Variants in CIMIP7 observed in about 807,000 individuals in gnomAD.
The protein encoded by CIMIP7 is uncharacterized protein C3orf84.
the CIMIP7 span, chr3:49,177,779 A>G: frequency 1.2e-4 from 190 of 1,611,190 alleles, no homozygotes; most frequent in African/African-American, 2.2e-3. Flanking sequence ...CCTACCTTGT[A>G]GCTGCCATAG....
At chr3:49,191,118 T>C in the CIMIP7 span, among the ~76,000 whole-genome samples, 1 of 152,190 alleles carries the variant, frequency 6.6e-6, no homozygotes, top group Non-Finnish European at 1.5e-5. Flanking sequence ...CTCTTTGTCC[T>C]GAGTTCTCCC....
At chr3:49,190,261 C>T in the CIMIP7 span, 1 of 636,344 alleles carries the variant, frequency 1.6e-6, no homozygotes, top group South Asian at 1.8e-5. Flanking sequence ...AAGTTCCTGA[C>T]AGAATAGAAA....
At chr3:49,185,253 T>C in the CIMIP7 span, among the ~76,000 whole-genome samples, 1 of 142,474 alleles carries the variant, frequency 7.0e-6, no homozygotes, top group Non-Finnish European at 1.5e-5. Context: ...AGAGCAAGAC[T>C]CTGTCTTAAA....
the CIMIP7 span, among the ~76,000 whole-genome samples, chr3:49,189,262 C>A: frequency 9.9e-5 from 15 of 152,136 alleles, no homozygotes; most frequent in East Asian, 2.5e-3. Context: ...AGCCACCGCA[C>A]CTTGCCTATT....
the CIMIP7 span, among the ~76,000 whole-genome samples, chr3:49,178,316 T>C: frequency 6.6e-6 from 1 of 152,146 alleles, no homozygotes; most frequent in African/African-American, 2.4e-5. Flanking sequence ...TTTGGGGGAA[T>C]AGGCTGTTTC....
the CIMIP7 span, among the ~76,000 whole-genome samples, chr3:49,178,893 A>C: frequency 1.3e-5 from 2 of 152,146 alleles, no homozygotes; most frequent in Admixed American, 1.3e-4. Context: ...CCTCCCCTGC[A>C]TCCACACTTA....
the CIMIP7 span, chr3:49,191,709 G>A: frequency 6.3e-7 from 1 of 1,592,478 alleles, no homozygotes; most frequent in South Asian, 1.1e-5. Flanking sequence ...CAACCAGAGG[G>A]CCAGGGGCCA....
chr3:49,181,217 C>T, the CIMIP7 span, among the ~76,000 whole-genome samples: 1 of 151,682 alleles, frequency 6.6e-6, no homozygotes, highest in African/African-American at 2.4e-5. Flanking sequence ...TGGTGGGCGC[C>T]TGTAATCCCA....
the CIMIP7 span, chr3:49,177,703 T>C: frequency 3.1e-6 from 5 of 1,610,550 alleles, no homozygotes; most frequent in East Asian, 2.2e-5. Flanking sequence ...AAGGTAGTGC[T>C]GCAGCAGCTT....
chr3:49,186,907 T>C, the CIMIP7 span, among the ~76,000 whole-genome samples: 11 of 152,232 alleles, frequency 7.2e-5, no homozygotes, highest in Admixed American at 1.3e-4. Context: ...TATTATTTTT[T>C]ACAACTGCTT....
At chr3:49,186,314 T>C in the CIMIP7 span, among the ~76,000 whole-genome samples, 1 of 151,020 alleles carries the variant, frequency 6.6e-6, no homozygotes. Context: ...CTCAGCTCAC[T>C]GCAAGCTCCA....
the CIMIP7 span, chr3:49,177,852 G>A: frequency 1.2e-6 from 2 of 1,613,488 alleles, no homozygotes; most frequent in Non-Finnish European, 1.7e-6. Flanking sequence ...GGGAAGGCTG[G>A]ACCTGCACAA....
At chr3:49,187,443 T>C in the CIMIP7 span, among the ~76,000 whole-genome samples, 4 of 152,088 alleles carry the variant, frequency 2.6e-5, no homozygotes, top group East Asian at 7.7e-4. Flanking sequence ...GGAAGCTCCT[T>C]GGCAAACTGA....
At chr3:49,189,259 G>A in the CIMIP7 span, among the ~76,000 whole-genome samples, 69 of 151,672 alleles carry the variant, frequency 4.5e-4, no homozygotes, top group Non-Finnish European at 1.9e-4. Flanking sequence ...ATGAGCCACC[G>A]CACCTTGCCT....
the CIMIP7 span, among the ~76,000 whole-genome samples, chr3:49,184,180 T>A: frequency 6.6e-6 from 1 of 152,204 alleles, no homozygotes; most frequent in African/African-American, 2.4e-5. Context: ...TAACTTTTTT[T>A]AAGAGATGAG....
At chr3:49,188,286 A>G in the CIMIP7 span, among the ~76,000 whole-genome samples, 1 of 152,224 alleles carries the variant, frequency 6.6e-6, no homozygotes, top group African/African-American at 2.4e-5. Context: ...GAAAATCCAG[A>G]TGGCAGATCA....
At chr3:49,177,765 G>A in the CIMIP7 span, 4 of 1,610,192 alleles carry the variant, frequency 2.5e-6, no homozygotes, top group Non-Finnish European at 3.4e-6. Context: ...CCGGCGCCTG[G>A]GGCCCTACCT....
chr3:49,181,279 T>C, the CIMIP7 span, among the ~76,000 whole-genome samples: 2 of 144,184 alleles, frequency 1.4e-5, no homozygotes, highest in South Asian at 2.2e-4. Flanking sequence ...GTGGTGGAGG[T>C]TGCAGTGAGC....
chr3:49,179,751 G>A, the CIMIP7 span, among the ~76,000 whole-genome samples: 888 of 152,316 alleles, frequency 5.8e-3, 9 homozygotes, highest in African/African-American at 0.02. Flanking sequence ...TTAAACATAA[G>A]CTGCTTGTGG....
Sources: allele counts gnomAD v4.1 joint callset (sites outside exome capture counted in the v4.1 genomes callset), GRCh38; gene constraint gnomAD v4.1.1; transcripts MANE v1.5; gene names NCBI Gene and HGNC (gene_info 2026-07-23, HGNC 2026-07-21).